The following LINGO2 variants were observed in gnomAD, a reference collection of about 807,000 sequenced individuals.
LINGO2 encodes the protein leucine rich repeat and Ig domain containing 2.
Under a neutral mutation model 30.6 loss-of-function variants are expected in LINGO2, and 14 were observed. The observed-to-expected ratio is 0.46, with a 90% confidence interval of 0.30 to 0.72. The LOEUF (loss-of-function observed/expected upper bound fraction) is 0.72. Among genes scored for constraint, LINGO2 ranks in the 30% least tolerant of loss-of-function variants. LINGO2 has a pLI of 0.07. For missense variants in LINGO2, 729 were observed against 751.7 expected (o/e 0.97, Z 0.35); for synonymous variants, 317 against 288.5 (o/e 1.10, Z -1.00).
intron 1 of LINGO2, among the ~76,000 whole-genome samples, chr9:28,606,185 A>C (rs187711388): frequency 5.5e-4 from 83 of 152,152 alleles, no homozygotes. Context: ...GACAACATAA[A>C]TAGGGACCAT....
At chr9:28,843,610 G>C in the LINGO2 span, among the ~76,000 whole-genome samples, 1 of 151,790 alleles carries the variant, frequency 6.6e-6, no homozygotes. Flanking sequence ...AGTGAACAGA[G>C]AAAGGGGAGG....
chr9:28,992,740 T>C, the LINGO2 span, among the ~76,000 whole-genome samples: 1 of 152,008 alleles, frequency 6.6e-6, no homozygotes, highest in Non-Finnish European at 1.5e-5. Context: ...ACATGGAAAC[T>C]GAACAACCTG....
chr9:28,472,672 T>C (rs1162668781), intron 2 of LINGO2, among the ~76,000 whole-genome samples: 1 of 152,142 alleles, frequency 6.6e-6, no homozygotes, highest in Non-Finnish European at 1.5e-5. Context: ...TTTATTTATT[T>C]TGGTCTCTTC....
chr9:28,562,457 CA>C lies in LINGO2; in HGVS notation c.-364-86433del, dbSNP rs56998877. ...GAAATAAGCAATGTGCATTTACTTTCAAAAAAAAAAAAAAAAAACAGAAAAA... is the reference window on the plus strand; with the variant it reads ...GAAATAAGCAATGTGCATTTACTTTCAAAAAAAAAAAAAAAAACAGAAAAA... On this transcript the variant is annotated intron_variant, in intron 1 of 5. Transcript: ENST00000379992. Among the ~76,000 whole-genome samples the C allele has an allele frequency of 1.4e-3, 152 of 109,180 alleles. 1 individual carries two copies. The highest frequency in any genetic ancestry group is 3.7e-3 in the Admixed American group (36 of 9,860). The allele number at this position is 109,180 out of a possible 152,430, so 71.6% of individuals were successfully genotyped here. A position where few individuals can be genotyped will look rare whatever the true frequency, so the allele number is the denominator to read the frequency against.
intron 4 of LINGO2, among the ~76,000 whole-genome samples, chr9:28,015,886 A>G (rs1335999519): frequency 6.6e-6 from 1 of 151,960 alleles, no homozygotes; most frequent in Non-Finnish European, 1.5e-5. Flanking sequence ...TTTCAGATGC[A>G]ATGGAGAGCA....
At chr9:28,357,608 C>T (rs375012012) in intron 3 of LINGO2, among the ~76,000 whole-genome samples, 18 of 151,948 alleles carry the variant, frequency 1.2e-4, no homozygotes, top group African/African-American at 4.1e-4. Flanking sequence ...TCTATGGAAA[C>T]ATTTTTACTT....
chr9:28,701,389 A>T, the LINGO2 span, among the ~76,000 whole-genome samples: 1 of 151,986 alleles, frequency 6.6e-6, no homozygotes. Flanking sequence ...CAGTTGTTGC[A>T]GTACCATTTG....
intron 4 of LINGO2, among the ~76,000 whole-genome samples, chr9:28,290,311 G>C (rs1823674505): frequency 6.6e-6 from 1 of 152,084 alleles, no homozygotes; most frequent in African/African-American, 2.4e-5. Context: ...AATCAGTGGA[G>C]CACCTGAGGA....
intron 1 of LINGO2, among the ~76,000 whole-genome samples, chr9:28,505,942 T>C (rs1055520918): frequency 6.6e-6 from 1 of 151,910 alleles, no homozygotes; most frequent in African/African-American, 2.4e-5. Context: ...GGAATTATTA[T>C]TATGCAAGGG....
the LINGO2 span, among the ~76,000 whole-genome samples, chr9:28,893,489 A>G: frequency 2.6e-5 from 4 of 152,154 alleles, no homozygotes; most frequent in African/African-American, 9.6e-5. Context: ...CTAAAACCCA[A>G]CAAATTGTCC....
At chr9:28,477,437 C>T (rs1424400532) in intron 1 of LINGO2, among the ~76,000 whole-genome samples, 3 of 152,108 alleles carry the variant, frequency 2.0e-5, no homozygotes, top group Non-Finnish European at 2.9e-5. Context: ...AGAACCCATT[C>T]TCTTAATCTT....
chr9:28,261,157 T>C (rs1822551288), intron 4 of LINGO2, among the ~76,000 whole-genome samples: 1 of 151,952 alleles, frequency 6.6e-6, no homozygotes, highest in Non-Finnish European at 1.5e-5. Context: ...TCAATCCCTA[T>C]AACATGGTAA....
the LINGO2 span, among the ~76,000 whole-genome samples, chr9:28,915,323 T>A: frequency 6.6e-6 from 1 of 152,178 alleles, no homozygotes; most frequent in Non-Finnish European, 1.5e-5. Flanking sequence ...CAAATTTGAT[T>A]GTTCATTTGA....
intron 1 of LINGO2, among the ~76,000 whole-genome samples, chr9:28,524,078 T>C (rs1315130518): frequency 1.3e-5 from 2 of 152,086 alleles, no homozygotes; most frequent in Non-Finnish European, 2.9e-5. Flanking sequence ...AGTATAGACA[T>C]AGAAATCAAT....
the LINGO2 span, among the ~76,000 whole-genome samples, chr9:29,094,808 G>A: frequency 1.4e-4 from 19 of 138,934 alleles, 3 homozygotes; most frequent in East Asian, 3.9e-3. Context: ...AGTTTTAAAT[G>A]TGTCTACTAG....
At chr9:28,254,862 C>G (rs1822329265) in intron 4 of LINGO2, among the ~76,000 whole-genome samples, 2 of 152,056 alleles carry the variant, frequency 1.3e-5, no homozygotes. Context: ...TATTTCATCA[C>G]CCAGGTATTA....
At chr9:28,045,108 T>C (rs572829819) in intron 4 of LINGO2, among the ~76,000 whole-genome samples, 198 of 150,622 alleles carry the variant, frequency 1.3e-3, no homozygotes, top group African/African-American at 1.2e-3. Flanking sequence ...TGAGACTTTT[T>C]CCCCCCCATC....
chr9:28,427,645 A>G (rs1823467512), intron 2 of LINGO2, among the ~76,000 whole-genome samples: 1 of 152,114 alleles, frequency 6.6e-6, no homozygotes, highest in African/African-American at 2.4e-5. Flanking sequence ...CTCTTCATCA[A>G]TAATTTTATG....
chr9:28,506,515 T>TAG lies in LINGO2; in HGVS notation c.-364-30491_-364-30490insCT, dbSNP rs1554729664. Among the ~76,000 whole-genome samples, 47 of 100,602 alleles carry TAG rather than the reference T, an allele frequency of 4.7e-4. 7 individuals are homozygous for TAG. The highest frequency in any genetic ancestry group is 2.4e-3 in the East Asian group (8 of 3,294). The allele number at this position is 100,602 out of a possible 152,430, so 66.0% of individuals were successfully genotyped here. On this transcript the variant is annotated intron_variant, in intron 1 of 5. Coordinates refer to ENST00000379992, the Ensembl canonical transcript of LINGO2. ...ACACACACACACAGACATATATATA[T>TAG]ATATATAAACTGTTGGGGACTAAGT...
Sources: gnomAD v4.1 joint callset for allele counts (sites outside exome capture counted in the v4.1 genomes callset) on GRCh38, gnomAD v4.1.1 for gene constraint, MANE v1.5 for transcripts, NCBI Gene and HGNC (gene_info 2026-07-23, HGNC 2026-07-21) for gene names.